PRKG1: variants seen among roughly 807,000 people sequenced by gnomAD.
PRKG1 encodes cGMP-dependent protein kinase 1.
Under a neutral mutation model 88.1 loss-of-function variants are expected in PRKG1, and 35 were observed. The observed-to-expected ratio is 0.40, with a 90% CI of 0.30 to 0.53. The LOEUF (loss-of-function observed/expected upper bound fraction) is 0.53, where lower values mean the gene tolerates loss of function less well. Ranked by LOEUF, PRKG1 falls within the 20% of genes least tolerant of loss-of-function variation. The probability of loss-of-function intolerance (pLI) is 0.59; values close to 1 mark genes in which losing one functional copy is unlikely to be tolerated. For missense variants in PRKG1, 540 were observed against 839.8 expected (o/e 0.64, Z 4.41); for synonymous variants, 303 against 292.5 (o/e 1.04, Z -0.37).
At chr10:51,890,888 G>A (rs952873128) in intron 4 of PRKG1, among the ~76,000 whole-genome samples, 13 of 152,300 alleles carry the variant, frequency 8.5e-5, no homozygotes, top group Non-Finnish European at 1.6e-4. Flanking sequence ...CCTGGGAGGT[G>A]TAGGTTGCAG....
At chr10:52,275,307 A>G (rs1841846682) in intron 12 of PRKG1, among the ~76,000 whole-genome samples, 1 of 152,138 alleles carries the variant, frequency 6.6e-6, no homozygotes, top group African/African-American at 2.4e-5. Flanking sequence ...GAATTTTAGT[A>G]GTTTCAGATC....
chr10:51,773,207 C>A (rs747955597), intron 3 of PRKG1, among the ~76,000 whole-genome samples: 1 of 152,020 alleles, frequency 6.6e-6, no homozygotes, highest in Non-Finnish European at 1.5e-5. Flanking sequence ...CTATAGTTGA[C>A]TTTCTCCAAC....
intron 12 of PRKG1, among the ~76,000 whole-genome samples, chr10:52,273,856 T>C (rs1220386589): frequency 1.3e-5 from 2 of 152,100 alleles, no homozygotes; most frequent in East Asian, 3.9e-4. Flanking sequence ...AGGCTGGGGA[T>C]CCAGTAATAA....
chr10:51,967,977 A>G (rs1397000392), intron 5 of PRKG1, among the ~76,000 whole-genome samples: 2 of 152,186 alleles, frequency 1.3e-5, no homozygotes, highest in Non-Finnish European at 2.9e-5. Context: ...CTGCTTAGAA[A>G]TCTTTCTCTG....
At chr10:52,256,921 G>A (rs1472409826) in intron 10 of PRKG1, among the ~76,000 whole-genome samples, 2 of 138,948 alleles carry the variant, frequency 1.4e-5, no homozygotes, top group Admixed American at 7.6e-5. Flanking sequence ...CCCTGAAGTA[G>A]CCTGCTTTTA....
chr10:52,251,863 T>C (rs957056579), intron 10 of PRKG1, 197 bp downstream of exon 10: 1 of 485,356 alleles, frequency 2.1e-6, no homozygotes, highest in African/African-American at 2.0e-5. Flanking sequence ...AGTCAACGAC[T>C]AAAAATAAAA....
chr10:51,013,536 G>T (rs1843019735), intron 1 of PRKG1, among the ~76,000 whole-genome samples: 1 of 152,078 alleles, frequency 6.6e-6, no homozygotes. Flanking sequence ...GACTACAGGT[G>T]CATGCCACCA....
At chr10:51,629,448 G>A (rs1839468512) in intron 3 of PRKG1, among the ~76,000 whole-genome samples, 1 of 151,678 alleles carries the variant, frequency 6.6e-6, no homozygotes, top group Admixed American at 6.6e-5. Context: ...CAACTAGATG[G>A]TCCCATCTGG....
intron 2 of PRKG1, among the ~76,000 whole-genome samples, chr10:51,227,547 C>G (rs1319897300): frequency 1.3e-5 from 2 of 152,146 alleles, no homozygotes; most frequent in Admixed American, 1.3e-4. Flanking sequence ...AATGTAAAGA[C>G]ACATCATAAT....
At chr10:51,109,476 A>G (rs1270825015) in intron 1 of PRKG1, among the ~76,000 whole-genome samples, 1 of 152,144 alleles carries the variant, frequency 6.6e-6, no homozygotes, top group African/African-American at 2.4e-5. Context: ...AAAGGCAATT[A>G]AGTGAAAAAG....
At chr10:51,355,035 T>C (rs1214223124) in intron 2 of PRKG1, among the ~76,000 whole-genome samples, 2 of 152,052 alleles carry the variant, frequency 1.3e-5, no homozygotes, top group Non-Finnish European at 2.9e-5. Context: ...AACTGTATGC[T>C]TTTTACAGAT....
At chr10:52,005,582 T>A (rs1230849979) in intron 5 of PRKG1, among the ~76,000 whole-genome samples, 1 of 152,102 alleles carries the variant, frequency 6.6e-6, no homozygotes, top group Admixed American at 6.5e-5. Flanking sequence ...GTTGTCCCAG[T>A]AAGCACATGG....
chr10:50,991,180 A>T lies in PRKG1; in HGVS notation c.-199A>T. 1.5e-6 allele frequency: 1 copy of T among 676,108 alleles called. No individual in the cohort carries two copies. The highest frequency in any genetic ancestry group is 2.3e-6 in the Non-Finnish European group (1 of 429,612). The allele number at this position is 676,108 out of a possible 1,614,324, so 41.9% of individuals were successfully genotyped here. A position where few individuals can be genotyped will look rare whatever the true frequency, so the allele number is the denominator to read the frequency against. On this transcript the variant is annotated 5_prime_UTR_variant, in exon 1 of 18. Coordinates refer to the PRKG1 transcript ENST00000401604. The surrounding 1 kb of genome is among the most constrained non-coding windows in gnomAD (Gnocchi z 4.5). ...TTCTCATCCTCCCCTCGGTGCTTTT[A>T]GTCCATTCAGCAGAAGCGGATCGAA...
chr10:51,147,162 G>T (rs1845964913), intron 1 of PRKG1, among the ~76,000 whole-genome samples: 1 of 152,130 alleles, frequency 6.6e-6, no homozygotes, highest in Non-Finnish European at 1.5e-5. Context: ...ATACTGAAGG[G>T]TTGGTTAATG....
intron 1 of PRKG1, among the ~76,000 whole-genome samples, chr10:51,058,804 G>A (rs1843663001): frequency 6.6e-6 from 1 of 152,088 alleles, no homozygotes; most frequent in African/African-American, 2.4e-5. Context: ...CACAGTTAGA[G>A]CTACAAATCT....
intron 2 of PRKG1, among the ~76,000 whole-genome samples, chr10:51,304,026 G>A (rs1176121945): frequency 6.6e-6 from 1 of 151,928 alleles, no homozygotes; most frequent in African/African-American, 2.4e-5. Context: ...CGTCATGTTG[G>A]CCAGGCTGTT....
chr10:51,723,836 C>T (rs2132456475), intron 3 of PRKG1, among the ~76,000 whole-genome samples: 1 of 152,220 alleles, frequency 6.6e-6, no homozygotes, highest in South Asian at 2.1e-4. Flanking sequence ...AGAATAGTTG[C>T]ATCATATTAG....
intron 2 of PRKG1, among the ~76,000 whole-genome samples, chr10:51,183,475 C>T (rs531790038): frequency 6.6e-6 from 1 of 152,288 alleles, no homozygotes; most frequent in South Asian, 2.1e-4. Context: ...AGCACCATTT[C>T]TGCATATTAT....
At chr10:51,216,661 T>C (rs895969409) in intron 2 of PRKG1, among the ~76,000 whole-genome samples, 26 of 152,146 alleles carry the variant, frequency 1.7e-4, no homozygotes, top group Admixed American at 6.6e-5. Flanking sequence ...TGTAGGAAAA[T>C]AGGGATGCTA....
Sources: gnomAD v4.1 joint callset for allele counts (sites outside exome capture counted in the v4.1 genomes callset) on GRCh38, gnomAD v4.1.1 for gene constraint, Gnocchi (gnomAD v3.1) non-coding constraint, MANE v1.5 for transcripts, NCBI Gene and HGNC (gene_info 2026-07-23, HGNC 2026-07-21) for gene names.